The following GALNT17 variants were observed in gnomAD, a reference collection of about 807,000 sequenced individuals.
GALNT17 encodes UDP-GalNAc:polypeptide N-acetylgalactosaminyltransferase-like 3.
Under a neutral mutation model 63.7 loss-of-function variants are expected in GALNT17, and 29 were observed. That is an observed-to-expected ratio of 0.46 (90% CI 0.34 to 0.62). The LOEUF (loss-of-function observed/expected upper bound fraction) is 0.62. Ranked by LOEUF, GALNT17 falls within the 20% of genes least tolerant of loss-of-function variation. GALNT17 has a pLI of 0.01. For missense variants in GALNT17, 603 were observed against 799.6 expected, an observed-to-expected ratio of 0.75 and a Z score of 2.97; for synonymous variants, 305 against 318.3, an observed-to-expected ratio of 0.96 and a Z score of 0.45.
At chr7:71,473,035 A>G (rs554548983) in intron 5 of GALNT17, among the ~76,000 whole-genome samples, 1 of 152,350 alleles carries the variant, frequency 6.6e-6, no homozygotes, top group African/African-American at 2.4e-5. Context: ...CATGGAAAGT[A>G]TACATTGGCT....
chr7:71,399,301 C>T (rs746554740), intron 3 of GALNT17, among the ~76,000 whole-genome samples: 5 of 152,164 alleles, frequency 3.3e-5, no homozygotes, highest in Admixed American at 6.5e-5. Flanking sequence ...AAATAGCCTT[C>T]GTGCTAGTCT....
chr7:71,222,177 G>A (rs927560861), intron 1 of GALNT17, among the ~76,000 whole-genome samples: 1 of 152,116 alleles, frequency 6.6e-6, no homozygotes, highest in African/African-American at 2.4e-5. Flanking sequence ...AAGGTGCTGG[G>A]ATTATAGGTG....
chr7:71,624,064 G>C (rs964802756), intron 6 of GALNT17, among the ~76,000 whole-genome samples: 3 of 152,210 alleles, frequency 2.0e-5, no homozygotes, highest in Non-Finnish European at 2.9e-5. Flanking sequence ...CCAGGGCTCT[G>C]TTTTATGGCT....
chr7:71,665,335 T>C, intron 6 of GALNT17, 76 bp from the exon 7 acceptor site: 1 of 1,459,800 alleles, frequency 6.9e-7, no homozygotes, highest in Non-Finnish European at 9.3e-7. Flanking sequence ...AGCTGAACCA[T>C]TGCTTTTGGG....
chr7:71,595,544 T>C (rs1441529001), intron 6 of GALNT17, among the ~76,000 whole-genome samples: 3 of 152,004 alleles, frequency 2.0e-5, no homozygotes, highest in Admixed American at 2.0e-4. Flanking sequence ...TCTTGGGCAT[T>C]TCTTTCTGTG....
chr7:71,580,414 TAG>T (rs752968374), intron 6 of GALNT17, among the ~76,000 whole-genome samples: 1 of 146,558 alleles, frequency 6.8e-6, no homozygotes, highest in Non-Finnish European at 1.6e-5. Flanking sequence ...GATAGATAGA[TAG>T]ATAGATAGAT....
intron 3 of GALNT17, among the ~76,000 whole-genome samples, chr7:71,389,559 A>T (rs1793012119): frequency 6.6e-6 from 1 of 152,140 alleles, no homozygotes; most frequent in Admixed American, 6.5e-5. Flanking sequence ...CCACTCCCTG[A>T]TGCCAAAAAG....
intron 1 of GALNT17, among the ~76,000 whole-genome samples, chr7:71,315,768 AGAGTGCTGT>A (rs999191259): frequency 3.0e-4 from 45 of 152,304 alleles, no homozygotes; most frequent in African/African-American, 1.1e-3. Context: ...GGGCAGGTGC[AGAGTGCTGT>A]GAAACATAGA....
chr7:71,690,245 C>T (rs139630837), intron 9 of GALNT17, among the ~76,000 whole-genome samples: 4,213 of 151,850 alleles, frequency 0.028, 202 homozygotes, highest in African/African-American at 0.095. Context: ...AGGATGGTCT[C>T]GATCTCTTGA....
chr7:71,520,801 G>C (rs1373589357), intron 5 of GALNT17, among the ~76,000 whole-genome samples: 1 of 152,150 alleles, frequency 6.6e-6, no homozygotes, highest in Non-Finnish European at 1.5e-5. Context: ...ATGGCAGGAG[G>C]GGATGGGGCC....
At chr7:71,680,793 C>A (rs1791247896) in intron 9 of GALNT17, among the ~76,000 whole-genome samples, 1 of 144,204 alleles carries the variant, frequency 6.9e-6, no homozygotes, top group Non-Finnish European at 1.5e-5. Context: ...TTTTCCCTTC[C>A]TTCCTTCCTT....
chr7:71,390,813 G>A (rs1051812046), intron 3 of GALNT17, among the ~76,000 whole-genome samples: 2 of 152,162 alleles, frequency 1.3e-5, no homozygotes, highest in African/African-American at 4.8e-5. Context: ...TCTCTGAGTG[G>A]GGAAGTAAGA....
intron 6 of GALNT17, among the ~76,000 whole-genome samples, chr7:71,634,129 C>G (rs1286071118): frequency 6.6e-6 from 1 of 152,222 alleles, no homozygotes; most frequent in Non-Finnish European, 1.5e-5. Flanking sequence ...CAGCCCCCTC[C>G]TTCCCTCCCC....
At chr7:71,229,120 C>G (rs2116440390) in intron 1 of GALNT17, among the ~76,000 whole-genome samples, 1 of 152,264 alleles carries the variant, frequency 6.6e-6, no homozygotes, top group Middle Eastern at 3.4e-3. Context: ...TCCTCTTTGC[C>G]CCGGGTGCTG....
intron 6 of GALNT17, among the ~76,000 whole-genome samples, chr7:71,581,633 A>G (rs1789636963): frequency 1.3e-5 from 2 of 152,174 alleles, no homozygotes; most frequent in Admixed American, 6.5e-5. Context: ...GAGGCAAATT[A>G]TATCAGTGGT....
chr7:71,198,550 C>T (rs145518956), intron 1 of GALNT17, among the ~76,000 whole-genome samples: 2 of 152,336 alleles, frequency 1.3e-5, no homozygotes, highest in African/African-American at 4.8e-5. Context: ...CCTGGACTAC[C>T]AGTAAGTGGC....
chr7:71,514,108 T>C (rs1215184406), intron 5 of GALNT17, among the ~76,000 whole-genome samples: 1 of 152,126 alleles, frequency 6.6e-6, no homozygotes, highest in Non-Finnish European at 1.5e-5. Context: ...AGCAGGAGGA[T>C]TGCTTGAGCC....
chr7:71,141,026 A>T (rs1280913805), intron 1 of GALNT17, among the ~76,000 whole-genome samples: 7 of 8,772 alleles, frequency 8.0e-4, no homozygotes, highest in East Asian at 0.5. Flanking sequence ...CCCAAACTCT[A>T]AAAAAAAACC....
intron 2 of GALNT17, among the ~76,000 whole-genome samples, chr7:71,342,544 A>G (rs1330186146): frequency 6.6e-6 from 1 of 152,220 alleles, no homozygotes; most frequent in African/African-American, 2.4e-5. Context: ...CAGAAAAAAA[A>G]CAAAAGCTCT....
Sources: gnomAD v4.1 joint callset for allele counts (sites outside exome capture counted in the v4.1 genomes callset) on GRCh38, gnomAD v4.1.1 for gene constraint, MANE v1.5 for transcripts, NCBI Gene and HGNC (gene_info 2026-07-23, HGNC 2026-07-21) for gene names.